Variants in PIK3CD observed in about 807,000 individuals in gnomAD.
The protein encoded by PIK3CD is phosphatidylinositol-4,5-bisphosphate 3-kinase catalytic subunit delta.
In PIK3CD, 20 loss-of-function variants were observed where a neutral mutation model predicts 122.9. The ratio of observed to expected loss-of-function variants is 0.16; its 90% confidence interval spans 0.11 to 0.24. The LOEUF (loss-of-function observed/expected upper bound fraction) is 0.24, where lower values mean the gene tolerates loss of function less well. PIK3CD is among the 10% of genes least tolerant of loss of function. The pLI, the probability that PIK3CD is intolerant of heterozygous loss-of-function variation, is 1.00. For synonymous variants in PIK3CD, 596 were observed against 593.4 expected (o/e 1.00, Z -0.06); for missense variants, 787 against 1,406.3 (o/e 0.56, Z 7.04).
chr1:9,661,863 G>C (rs1645018707), intron 1 of PIK3CD, among the ~76,000 whole-genome samples: 1 of 152,170 alleles, frequency 6.6e-6, no homozygotes, highest in South Asian at 2.1e-4. Context: ...GAGCTTGGTG[G>C]TGGGCACCTG....
At chr1:9,635,063 G>A in the PIK3CD span, among the ~76,000 whole-genome samples, 6 of 152,254 alleles carry the variant, frequency 3.9e-5, no homozygotes, top group South Asian at 2.1e-4. Context: ...AGGCCAAGAC[G>A]GGTGGGTCAC....
rs951541687 is a variant in PIK3CD at position 9,697,757 on chromosome 1, G to A, written c.-33+6186G>A. ...CTAAAACAAAAAAAAAGTGCTGAGC[G>A]CGGTGGCTCACACCTGTAATCCTGG... On this transcript the variant is annotated intron_variant, in intron 2 of 23. Transcript: ENST00000377346. Among the ~76,000 whole-genome samples, 10 of 151,434 alleles carry A rather than the reference G, an allele frequency of 6.6e-5. No homozygotes were observed. In the East Asian group the frequency reaches 1.6e-3, roughly 24 times the overall value.
At chr1:9,685,910 A>C (rs1645948388) in intron 1 of PIK3CD, among the ~76,000 whole-genome samples, 1 of 152,146 alleles carries the variant, frequency 6.6e-6, no homozygotes, top group Non-Finnish European at 1.5e-5. Flanking sequence ...CCCACTCAGC[A>C]GTGGTGTCTT....
rs1385533130 is a variant in PIK3CD at position 9,719,848 on chromosome 1, C to T, written c.1243-73C>T. On this transcript the variant is annotated intron_variant, in intron 9 of 23. Coordinates refer to ENST00000377346, the MANE Select transcript of PIK3CD (RefSeq NM_005026.5). This position sits in a 1 kb window ranked among gnomAD's most constrained non-coding sequence, Gnocchi z 5.5. Reference sequence around the variant, plus strand: ...GCTCTGGGTCTTCTCGGGTGGGGTGCCTGGGGGAGGGCAGGGAAGCTGGGT... The same window carrying T: ...GCTCTGGGTCTTCTCGGGTGGGGTGTCTGGGGGAGGGCAGGGAAGCTGGGT... 2 of 1,213,576 alleles carry T rather than the reference C, an allele frequency of 1.6e-6. No individual in the cohort carries two copies. Among genetic ancestry groups the T allele is most frequent in the Middle Eastern group, 1.9e-4 (1 of 5,202 alleles). 75.2% of individuals were successfully genotyped at this position (1,213,576 alleles called of 1,614,324 possible). A position where few individuals can be genotyped will look rare whatever the true frequency, so the allele number is the denominator to read the frequency against.
intron 1 of PIK3CD, among the ~76,000 whole-genome samples, chr1:9,673,163 C>A (rs11121472): frequency 0.25 from 38,029 of 150,774 alleles, 6,418 homozygotes; most frequent in East Asian, 0.65. Context: ...CAGTGGTTCA[C>A]TCACGGTTTT....
Position 9,718,375 on chromosome 1 carries a change from G to A in PIK3CD, c.1021-319G>A, listed in dbSNP as rs1368098485. ...ATCTGAGAAGTCCAGGGAGCCCTAG[G>A]ATGTTAGAGCAAGGGTCCCTGAAGT... On this transcript the variant is annotated intron_variant, in intron 8 of 23. Transcript: ENST00000377346. The surrounding 1 kb of genome is among the most constrained non-coding windows in gnomAD (Gnocchi z 7.2). Among the ~76,000 whole-genome samples the A allele has an allele frequency of 6.6e-6, 1 of 152,098 alleles. No homozygotes were observed. Among genetic ancestry groups the A allele is most frequent in the Non-Finnish European group, 1.5e-5 (1 of 68,002 alleles).
At position 9,715,992 on chromosome 1, in the gene PIK3CD, G is replaced by C. The variant is rs1647356614; in HGVS notation, c.514G>C (p.Glu172Gln). The change falls in exon 5 of 24, where the codon GAG (glutamate) becomes CAG (glutamine). Residue 172 changes from glutamate (E) to glutamine (Q), a missense_variant. Glu to Gln is a conservative substitution (Grantham distance 29, BLOSUM62 2). Coordinates refer to ENST00000377346, the MANE Select transcript of PIK3CD (RefSeq NM_005026.5). The surrounding 1 kb of genome is among the most constrained non-coding windows in gnomAD (Gnocchi z 4.1). Reference protein sequence around the residue: ...WLQYSFPLQLEPSAQTWGPGT... With the variant: ...WLQYSFPLQLQPSAQTWGPGT... The stretch of plus-strand genomic sequence containing the variant: ...GCAGTACAGTTTCCCCCTGCAGCTG[G>C]AGCCCTCGGCTCAAACCTGGGGGCC... 6.2e-7 allele frequency: 1 copy of C among 1,612,456 alleles called. No individual in the cohort carries two copies. Among genetic ancestry groups the C allele is most frequent in the Non-Finnish European group, 8.5e-7 (1 of 1,179,924 alleles).
In PIK3CD at chr1:9,720,860, C is replaced by G; in HGVS notation, c.1640C>G (p.Ala547Gly). ...CAGGAGCACTTCCCGGAGGCGCTAGCCCGGCTGCTGCTGGTCACCAAGTGG... is the reference window on the plus strand; with the variant it reads ...CAGGAGCACTTCCCGGAGGCGCTAGGCCGGCTGCTGCTGGTCACCAAGTGG... ...EVQEHFPEAL[A>G]RLLLVTKWNK... Residue 547 changes from alanine to glycine, a missense_variant, in exon 13 of 24, where the codon GCC becomes GGC. Ala to Gly is a moderately conservative substitution (Grantham distance 60, BLOSUM62 0). Transcript: ENST00000377346. The surrounding 1 kb of genome is among the most constrained non-coding windows in gnomAD (Gnocchi z 9.0). The G allele has an allele frequency of 6.2e-7, 1 of 1,609,434 alleles. No individual in the cohort carries two copies. The highest frequency in any genetic ancestry group is 8.5e-7 in the Non-Finnish European group (1 of 1,178,122).
At position 9,717,132 on chromosome 1, in the gene PIK3CD, C is replaced by T. The variant is rs1404506350; in HGVS notation, c.930+24C>T. 54 of 1,613,608 alleles carry T rather than the reference C, an allele frequency of 3.3e-5. No individual in the cohort carries two copies. The highest frequency in any genetic ancestry group is 4.5e-5 in the Non-Finnish European group (53 of 1,179,908). ...AGGTGAGATGGCGCCTTCCGCCTCC[C>T]CTCTGAGCCACCCCTTCTTTCCACC... On this transcript the variant is annotated intron_variant, in intron 7 of 23. Coordinates refer to ENST00000377346, the MANE Select transcript of PIK3CD (RefSeq NM_005026.5). This position sits in a 1 kb window ranked among gnomAD's most constrained non-coding sequence, Gnocchi z 5.4.
Position 9,728,722 on chromosome 1 carries a change from GCA to G in PIK3CD, c.*1680_*1681del, listed in dbSNP as rs914681834. ...TGCGCCTGTGTGCGCGGGTGTGGGA[GCA>G]CACTTTGCAAAGCCACAGCGTTTCT... On this transcript the variant is annotated 3_prime_UTR_variant, in exon 24 of 24. Coordinates refer to ENST00000377346, the MANE Select transcript of PIK3CD (RefSeq NM_005026.5). The G allele has an allele frequency of 3.7e-4, 56 of 152,408 alleles. No homozygotes were observed. The highest frequency in any genetic ancestry group is 1.3e-3 in the African/African-American group (55 of 41,596). The allele number at this position is 152,408 out of a possible 1,614,324, so 9.4% of individuals were successfully genotyped here.
intron 2 of PIK3CD, among the ~76,000 whole-genome samples, chr1:9,705,184 C>T (rs1436052517): frequency 6.6e-6 from 1 of 152,014 alleles, no homozygotes; most frequent in Non-Finnish European, 1.5e-5. Context: ...AACTTCTACT[C>T]ACCAGGCTGG....
chr1:9,723,083 C>T lies in PIK3CD; in HGVS notation c.2427-42C>T, dbSNP rs760827788. ...GGCTCAAGTGGCCTCAGGGACAGCC[C>T]TTGACCATGCCATTTGCCCGTCCCT... On this transcript the variant is annotated intron_variant, in intron 19 of 23. Coordinates refer to ENST00000377346, the MANE Select transcript of PIK3CD (RefSeq NM_005026.5). This position sits in a 1 kb window ranked among gnomAD's most constrained non-coding sequence, Gnocchi z 4.9. The T allele has an allele frequency of 1.9e-6, 3 of 1,606,430 alleles. No homozygotes were observed. In the South Asian group the frequency reaches 3.3e-5, roughly 18 times the overall value.
rs1648626952 is a variant in PIK3CD, at chr1:9,721,387, G to C, written c.1812-57G>C. On this transcript the variant is annotated intron_variant, in intron 14 of 23. Coordinates refer to ENST00000377346, the MANE Select transcript of PIK3CD (RefSeq NM_005026.5). The stretch of plus-strand genomic sequence containing the variant: ...TGGCCTCCCTCTGGCTGCCGAGGGA[G>C]CTCCCTCCTGTCCTGAGTCGGGGAG... The C allele has an allele frequency of 1.9e-6, 3 of 1,610,518 alleles. No homozygotes were observed. The East Asian group carries it at 6.7e-5, about 36-fold the overall frequency.
chr1:9,645,363 A>G, the PIK3CD span, among the ~76,000 whole-genome samples: 1 of 152,162 alleles, frequency 6.6e-6, no homozygotes, highest in South Asian at 2.1e-4. Flanking sequence ...CCCCAAGCAA[A>G]AGAGAGGGTC....
rs766219239 is a variant in PIK3CD at position 9,726,890 on chromosome 1, C to T, written c.2998-19C>T. 42 of 1,613,550 alleles carry T rather than the reference C, an allele frequency of 2.6e-5. No homozygotes were observed. Among genetic ancestry groups the T allele is most frequent in the Admixed American group, 6.7e-5 (4 of 59,954 alleles). ...GTCCGGGCCCCCTTAACGTGGACAC[C>T]GCTGTGATTTGTTTGCAGGACTCCC... On this transcript the variant is annotated intron_variant, in intron 23 of 23. Coordinates refer to ENST00000377346, the MANE Select transcript of PIK3CD (RefSeq NM_005026.5).
At chr1:9,644,712 A>G in the PIK3CD span, among the ~76,000 whole-genome samples, 2 of 151,324 alleles carry the variant, frequency 1.3e-5, no homozygotes, top group Non-Finnish European at 3.0e-5. Context: ...TTGAATTGTC[A>G]AAAAAAATGA....
intron 1 of PIK3CD, chr1:9,672,497 T>G (rs1645362013): frequency 6.6e-6 from 1 of 152,166 alleles, no homozygotes; most frequent in African/African-American, 2.4e-5. Context: ...GGTGCCATCA[T>G]AGCTCAATGC....
At chr1:9,688,552 AT>A (rs1646060820) in intron 1 of PIK3CD, among the ~76,000 whole-genome samples, 1 of 151,356 alleles carries the variant, frequency 6.6e-6, no homozygotes, top group Admixed American at 6.6e-5. Context: ...AGATGCCTGG[AT>A]AAAAACTGGA....
chr1:9,643,463 G>A, the PIK3CD span, among the ~76,000 whole-genome samples: 11 of 119,492 alleles, frequency 9.2e-5, no homozygotes, highest in South Asian at 1.2e-3. Flanking sequence ...AGGGAGGGAG[G>A]GAGGGAAGGA....
Sources: gnomAD v4.1 joint callset for allele counts (sites outside exome capture counted in the v4.1 genomes callset) on GRCh38, gnomAD v4.1.1 for gene constraint, Gnocchi (gnomAD v3.1) non-coding constraint, MANE v1.5 for transcripts, NCBI Gene and HGNC (gene_info 2026-07-23, HGNC 2026-07-21) for gene names.